TYW1: variants seen among roughly 807,000 people sequenced by gnomAD.
The protein encoded by TYW1 is tRNA-yW synthesizing protein 1 homolog, also known as S-adenosyl-L-methionine-dependent tRNA 4-demethylwyosine synthase TYW1.
In TYW1, 46 loss-of-function variants were observed where a neutral mutation model predicts 96.2. The observed-to-expected ratio is 0.48, with a 90% CI of 0.38 to 0.61. TYW1 has a LOEUF of 0.61. Among genes scored for constraint, TYW1 ranks in the 20% least tolerant of loss-of-function variants. The pLI, the probability that TYW1 is intolerant of heterozygous loss-of-function variation, is 0.00. For synonymous variants in TYW1, 274 were observed against 323.0 expected (o/e 0.85, Z 1.63); for missense variants, 684 against 909.6 (o/e 0.75, Z 3.19).
rs1796267143 is a variant in TYW1 at position 67,078,285 on chromosome 7, TG to T, written c.1275-5141del. Among the ~76,000 whole-genome samples, 3 of 151,592 alleles carry T rather than the reference TG, an allele frequency of 2.0e-5. No homozygotes were observed. The East Asian group carries it at 5.8e-4, about 29-fold the overall frequency. ...TAATTTTTTGTATTTTTAGTAGAGA[TG>T]GGGTTTCACTATGTTGGCCAGGCTG... On this transcript the variant is annotated intron_variant, in intron 10 of 15. Transcript: ENST00000359626.
chr7:67,138,774 C>G (rs35918779), intron 13 of TYW1, among the ~76,000 whole-genome samples: 258 of 152,102 alleles, frequency 1.7e-3, no homozygotes, highest in Middle Eastern at 6.8e-3. Context: ...ATAATGACCT[C>G]CAGTTCCATC....
At chr7:67,002,262 G>T (rs1191914559) in intron 3 of TYW1, among the ~76,000 whole-genome samples, 3 of 151,370 alleles carry the variant, frequency 2.0e-5, no homozygotes, top group Non-Finnish European at 2.9e-5. Context: ...TGTTGCCCAG[G>T]CTGGTCTTGA....
At chr7:67,156,170 G>A (rs1387091207) in intron 13 of TYW1, among the ~76,000 whole-genome samples, 2 of 152,174 alleles carry the variant, frequency 1.3e-5, no homozygotes, top group Admixed American at 1.3e-4. Context: ...CAGTCTTTGG[G>A]CCTCCAGGTG....
intron 15 of TYW1, among the ~76,000 whole-genome samples, chr7:67,224,972 C>T (rs1393530687): frequency 7.2e-5 from 11 of 152,094 alleles, no homozygotes; most frequent in Admixed American, 5.9e-4. Context: ...GGGTGGATCA[C>T]CTGAGGTCAG....
In TYW1 at chr7:67,073,878, C is replaced by T. The variant is rs182350044; in HGVS notation, c.1274+6475C>T. On this transcript the variant is annotated intron_variant, in intron 10 of 15. Coordinates refer to ENST00000359626, the MANE Select transcript of TYW1 (RefSeq NM_018264.4). Reference sequence around the variant, plus strand: ...CGGGCAGATCACGAGGTCAGGAGATCGAAACCATCCTGGCTAACACGGTGA... The same window carrying T: ...CGGGCAGATCACGAGGTCAGGAGATTGAAACCATCCTGGCTAACACGGTGA... 5.4e-5 allele frequency among the ~76,000 whole-genome samples: 8 copies of T among 149,092 alleles called. No individual in the cohort carries two copies. The South Asian group carries it at 6.4e-4, about 12-fold the overall frequency.
chr7:67,162,071 C>T (rs1159228654), intron 13 of TYW1, among the ~76,000 whole-genome samples: 2 of 151,900 alleles, frequency 1.3e-5, no homozygotes, highest in South Asian at 2.1e-4. Flanking sequence ...CCAAGTTGGG[C>T]GGATCACAAG....
intron 15 of TYW1, among the ~76,000 whole-genome samples, chr7:67,212,126 C>T (rs1268498453): frequency 6.6e-6 from 1 of 152,190 alleles, no homozygotes; most frequent in Non-Finnish European, 1.5e-5. Context: ...TTCGTCCCTC[C>T]CGCCAAACTT....
At chr7:66,997,080 C>T in intron 1 of TYW1, 98 bp downstream of exon 1, 1 of 1,585,670 alleles carries the variant, frequency 6.3e-7, no homozygotes, top group South Asian at 1.1e-5. Flanking sequence ...GGTCCCTTTC[C>T]TTCGGAGACT....
chr7:67,014,252 T>G (rs1299811909), intron 4 of TYW1, 115 bp from the exon 5 acceptor site: 1 of 1,384,450 alleles, frequency 7.2e-7, no homozygotes, highest in African/African-American at 1.5e-5. Flanking sequence ...ATGAACCATG[T>G]TTATGAAGGT....
intron 7 of TYW1, among the ~76,000 whole-genome samples, chr7:67,045,949 G>T (rs1046156428): frequency 2.0e-5 from 3 of 152,218 alleles, no homozygotes; most frequent in Non-Finnish European, 2.9e-5. Context: ...GATGTATATA[G>T]AAGCCAATAC....
intron 12 of TYW1, among the ~76,000 whole-genome samples, chr7:67,116,844 A>AT (rs1039977005): frequency 6.6e-5 from 10 of 152,026 alleles, no homozygotes; most frequent in Non-Finnish European, 1.3e-4. Flanking sequence ...ATAAGAATGC[A>AT]TTTTTTTCTT....
chr7:67,120,613 A>G (rs548665855), intron 13 of TYW1, among the ~76,000 whole-genome samples: 1 of 152,358 alleles, frequency 6.6e-6, no homozygotes, highest in African/African-American at 2.4e-5. Context: ...TAAAAATTAG[A>G]ATGGATTTAA....
intron 7 of TYW1, among the ~76,000 whole-genome samples, chr7:67,030,884 G>C (rs556669923): frequency 6.6e-6 from 1 of 151,976 alleles, no homozygotes; most frequent in South Asian, 2.1e-4. Context: ...GAACGTAATA[G>C]ATTACATTAC....
At chr7:67,132,892 G>A (rs1218648604) in intron 13 of TYW1, among the ~76,000 whole-genome samples, 1 of 152,146 alleles carries the variant, frequency 6.6e-6, no homozygotes, top group Non-Finnish European at 1.5e-5. Flanking sequence ...CATTTGGATT[G>A]TTTCACAGTT....
chr7:67,161,513 A>G (rs1426263294), intron 13 of TYW1, among the ~76,000 whole-genome samples: 5 of 152,158 alleles, frequency 3.3e-5, no homozygotes, highest in African/African-American at 1.2e-4. Flanking sequence ...TTATTTTTGC[A>G]TGCCTGTGTG....
chr7:67,203,587 A>G (rs1022125439), intron 15 of TYW1, among the ~76,000 whole-genome samples: 2 of 152,198 alleles, frequency 1.3e-5, no homozygotes, highest in African/African-American at 4.8e-5. Context: ...TACTTAGAAT[A>G]TCTTAGGTGT....
chr7:67,125,564 G>A (rs1305884748), intron 13 of TYW1, among the ~76,000 whole-genome samples: 1 of 152,020 alleles, frequency 6.6e-6, no homozygotes, highest in Non-Finnish European at 1.5e-5. Context: ...AACCTACACG[G>A]ATCCATCATT....
chr7:67,193,362 A>G (rs1800280746), intron 14 of TYW1, among the ~76,000 whole-genome samples: 2 of 152,220 alleles, frequency 1.3e-5, no homozygotes, highest in East Asian at 1.9e-4. Context: ...CTGTTTGAAC[A>G]GCTGTCTTGA....
At chr7:67,064,687 G>A (rs1795806021) in intron 9 of TYW1, among the ~76,000 whole-genome samples, 1 of 152,162 alleles carries the variant, frequency 6.6e-6, no homozygotes, top group South Asian at 2.1e-4. Flanking sequence ...ACTGACCCCT[G>A]TGATTCAGTT....
Sources: allele counts gnomAD v4.1 joint callset (sites outside exome capture counted in the v4.1 genomes callset), GRCh38; gene constraint gnomAD v4.1.1; transcripts MANE v1.5; gene names NCBI Gene and HGNC (gene_info 2026-07-23, HGNC 2026-07-21).